CEACAM1: variants seen among roughly 807,000 people sequenced by gnomAD.
The protein encoded by CEACAM1 is CEA cell adhesion molecule 1, also known as cell adhesion molecule CEACAM1.
Under a neutral mutation model 49.1 loss-of-function variants are expected in CEACAM1, and 31 were observed. The observed-to-expected ratio is 0.63, with a 90% CI of 0.47 to 0.85. CEACAM1 has a LOEUF of 0.85. CEACAM1 is among the 40% of genes least tolerant of loss of function. The pLI, the probability that CEACAM1 is intolerant of heterozygous loss-of-function variation, is 0.00. For missense variants in CEACAM1, 570 were observed against 645.3 expected, an observed-to-expected ratio of 0.88 and a Z score of 1.26; for synonymous variants, 244 against 247.8, an observed-to-expected ratio of 0.98 and a Z score of 0.14.
Position 42,509,173 on chromosome 19 carries a change from G to T in CEACAM1, c.1517C>A (p.Pro506Gln), listed in dbSNP as rs2041394036. Residue 506 changes from proline (P) to glutamine (Q), a missense_variant, in exon 9 of 9, where the codon CCA (proline) becomes CAA (glutamine). Physicochemically the swap from Pro to Gln is moderately conservative, Grantham distance 76 (BLOSUM62 -1). Transcript: ENST00000161559. ...LNFEAQQPTQ[P>Q]TSASPSLTAT... is the part of the protein sequence containing the mutation. Reference sequence around the variant, plus strand: ...TGTTAGGGATGGGGAGGCTGAAGTTGGTTGTGTGGGTTGCTGGGCTTCAAA... The same window carrying T: ...TGTTAGGGATGGGGAGGCTGAAGTTTGTTGTGTGGGTTGCTGGGCTTCAAA... 1 of 1,614,026 alleles carries T rather than the reference G, an allele frequency of 6.2e-7. No individual in the cohort carries two copies. The highest frequency in any genetic ancestry group is 1.1e-5 in the South Asian group (1 of 91,066).
intron 8 of CEACAM1, among the ~76,000 whole-genome samples, chr19:42,510,164 C>T (rs1330955178): frequency 6.6e-6 from 1 of 152,194 alleles, no homozygotes; most frequent in Non-Finnish European, 1.5e-5. Flanking sequence ...TGGCTCACTG[C>T]AAACTCCACC....
intron 1 of CEACAM1, 141 bp downstream of exon 1, chr19:42,528,170 T>C (rs1217648775): frequency 1.5e-6 from 1 of 649,246 alleles, no homozygotes; most frequent in Non-Finnish European, 2.7e-6. Flanking sequence ...TTTTATGATC[T>C]CTATCCCTTT....
chr19:42,510,908 G>C lies in CEACAM1; in HGVS notation c.1442C>G (p.Ser481Cys). The stretch of plus-strand genomic sequence containing the variant: ...GCTTACCTTGTTAGGTGGGTCATTG[G>C]AGTGGTCCTGAGCTGGAGAAGCAAA... ...PSVSNHTQDH[S>C]NDPPNKMNEV... Residue 481 changes from serine (S) to cysteine (C), a missense_variant, in exon 8 of 9, where the codon TCC becomes TGC. By Grantham distance (112) the Ser-to-Cys change is moderately radical. Transcript: ENST00000161559. 6.2e-7 allele frequency: 1 copy of C among 1,614,004 alleles called. No homozygotes were observed.
At chr19:42,517,519 T>C (rs913021663) in intron 5 of CEACAM1, among the ~76,000 whole-genome samples, 5 of 152,304 alleles carry the variant, frequency 3.3e-5, no homozygotes, top group South Asian at 2.1e-4. Context: ...GGCAAAGGAC[T>C]TGAATAAACA....
intron 3 of CEACAM1, 34 bp downstream of exon 3, chr19:42,521,890 C>T: frequency 6.2e-7 from 1 of 1,614,010 alleles, no homozygotes; most frequent in Admixed American, 1.7e-5. Flanking sequence ...TTTGGGCTGG[C>T]AGCCTGGGCC....
At chr19:42,512,990 T>G (rs1426496639) in intron 5 of CEACAM1, among the ~76,000 whole-genome samples, 1 of 152,226 alleles carries the variant, frequency 6.6e-6, no homozygotes, top group African/African-American at 2.4e-5. Flanking sequence ...TCTAGGTTGA[T>G]GATCTCTCTT....
intron 8 of CEACAM1, 82 bp from the exon 9 acceptor site, chr19:42,509,310 G>T: frequency 6.7e-7 from 1 of 1,488,018 alleles, no homozygotes; most frequent in Non-Finnish European, 9.0e-7. Context: ...AGCACCACAA[G>T]CTGTTACCAT....
intron 5 of CEACAM1, chr19:42,515,139 G>T: frequency 1.7e-6 from 1 of 604,896 alleles, no homozygotes; most frequent in South Asian, 1.9e-5. Context: ...AGCCAGATGT[G>T]GTAGTATGTA....
Position 42,508,694 on chromosome 19 carries a change from T to C in CEACAM1, c.*415A>G, listed in dbSNP as rs572149719. ...TCTCTCTCTCTTGTTTCCTGGCACATGTACTTAATGGAAAAGGACATAACC... is the reference window on the plus strand; with the variant it reads ...TCTCTCTCTCTTGTTTCCTGGCACACGTACTTAATGGAAAAGGACATAACC... On this transcript the variant is annotated 3_prime_UTR_variant, in exon 9 of 9. Coordinates refer to ENST00000161559, the MANE Select transcript of CEACAM1 (RefSeq NM_001712.5). 5 of 166,430 alleles carry C rather than the reference T, an allele frequency of 3.0e-5. No individual in the cohort carries two copies. The highest frequency in any genetic ancestry group is 1.7e-4 in the Admixed American group (3 of 17,888). The allele number at this position is 166,430 out of a possible 1,614,324, so 10.3% of individuals were successfully genotyped here.
intron 5 of CEACAM1, chr19:42,515,204 A>G (rs569158947): frequency 3.9e-6 from 2 of 519,184 alleles, no homozygotes; most frequent in African/African-American, 2.0e-5. Context: ...TTGAGGCTGC[A>G]GTGAGCTGTG....
At chr19:42,509,452 A>C (rs1037127096) in intron 8 of CEACAM1, among the ~76,000 whole-genome samples, 29 of 152,234 alleles carry the variant, frequency 1.9e-4, no homozygotes, top group African/African-American at 6.3e-4. Context: ...CAGCAATGAG[A>C]ACCAGCAAAC....
rs141614295 is a variant in CEACAM1, at chr19:42,519,042, G to T, written c.1152C>A (p.Asn384Lys). 2 of 1,614,178 alleles carry T rather than the reference G, an allele frequency of 1.2e-6. No homozygotes were observed. The highest frequency in any genetic ancestry group is 1.7e-4 in the Middle Eastern group (1 of 6,060). The change falls in exon 5 of 9, where the codon AAC becomes AAA. Residue 384 changes from asparagine (N) to lysine (K), a missense_variant. Transcript: ENST00000161559. Reference sequence around the variant, plus strand: ...TCCCAGCATCCTCCCTCTTGACAGGGTTTATGCTGAGGGTGGTGTTGCCCT... The same window carrying T: ...TCCCAGCATCCTCCCTCTTGACAGGTTTTATGCTGAGGGTGGTGTTGCCCT... Reference protein sequence around the residue: ...LSQGNTTLSINPVKREDAGTY... With the variant: ...LSQGNTTLSIKPVKREDAGTY...
chr19:42,511,720 T>TA, intron 6 of CEACAM1, 92 bp from the exon 7 acceptor site: 1 of 1,222,802 alleles, frequency 8.2e-7, no homozygotes, highest in Non-Finnish European at 1.2e-6. Flanking sequence ...GGTAATTCCT[T>TA]AGAGTCCTTG....
chr19:42,515,672 A>AG (rs2041583058), intron 5 of CEACAM1, among the ~76,000 whole-genome samples: 1 of 152,222 alleles, frequency 6.6e-6, no homozygotes, highest in Non-Finnish European at 1.5e-5. Flanking sequence ...CCGAAAAAAA[A>AG]AAGTTGTTCT....
chr19:42,511,456 G>A, intron 7 of CEACAM1, 120 bp downstream of exon 7: 1 of 866,694 alleles, frequency 1.2e-6, no homozygotes. Context: ...TTGGGAAATA[G>A]AGATCCTTTC....
At chr19:42,522,348 C>T in intron 2 of CEACAM1, 146 bp from the exon 3 acceptor site, 1 of 1,379,704 alleles carries the variant, frequency 7.2e-7, no homozygotes, top group Non-Finnish European at 9.7e-7. Flanking sequence ...GATCTCGGCT[C>T]ACTGCAACCT....
chr19:42,521,860 C>G, intron 3 of CEACAM1, 64 bp downstream of exon 3: 1 of 1,612,272 alleles, frequency 6.2e-7, no homozygotes, highest in Non-Finnish European at 8.5e-7. Context: ...ACTGAGAGGC[C>G]TGGCCTCTGG....
At chr19:42,510,138 C>T (rs961838281) in intron 8 of CEACAM1, among the ~76,000 whole-genome samples, 8 of 152,074 alleles carry the variant, frequency 5.3e-5, no homozygotes, top group East Asian at 3.9e-4. Flanking sequence ...CAGGCTGGAG[C>T]GCAATGGCGC....
intron 2 of CEACAM1, among the ~76,000 whole-genome samples, chr19:42,526,290 C>T (rs1271745624): frequency 1.3e-5 from 2 of 152,168 alleles, no homozygotes; most frequent in African/African-American, 4.8e-5. Context: ...CCTGAGAGTG[C>T]CTCTCAGCCT....
Sources: gnomAD v4.1 joint callset for allele counts (sites outside exome capture counted in the v4.1 genomes callset) on GRCh38, gnomAD v4.1.1 for gene constraint, MANE v1.5 for transcripts, NCBI Gene and HGNC (gene_info 2026-07-23, HGNC 2026-07-21) for gene names.